The following TMEM44 variants were observed in gnomAD, a reference collection of about 807,000 sequenced individuals.
TMEM44 encodes the protein transmembrane protein 44.
In TMEM44, 43 loss-of-function variants were observed where a neutral mutation model predicts 47.8. The observed-to-expected ratio is 0.90, with a 90% CI of 0.70 to 1.16. TMEM44 has a LOEUF of 1.16. Ranked by LOEUF, TMEM44 falls within the 50% of genes most tolerant of loss-of-function variation. The probability of loss-of-function intolerance (pLI) is 0.00; values close to 1 mark genes in which losing one functional copy is unlikely to be tolerated. For missense variants in TMEM44, 568 were observed against 555.2 expected (o/e 1.02, Z -0.23); for synonymous variants, 277 against 238.8 (o/e 1.16, Z -1.48).
At chr3:194,623,731 A>C (rs1716841393) in intron 3 of TMEM44, 36 bp from the exon 4 acceptor site, 2 of 1,612,732 alleles carry the variant, frequency 1.2e-6, no homozygotes, top group Non-Finnish European at 1.7e-6. Context: ...TGGCTCCTGG[A>C]AGCCAGACCT....
chr3:194,620,089 G>A (rs1259412938), intron 5 of TMEM44, among the ~76,000 whole-genome samples: 2 of 152,096 alleles, frequency 1.3e-5, no homozygotes, highest in South Asian at 2.1e-4. Flanking sequence ...TCAGGAGTTC[G>A]AGACCAGCCT....
intron 8 of TMEM44, 111 bp from the exon 9 acceptor site, chr3:194,604,556 G>A (rs1714563969): frequency 7.4e-7 from 1 of 1,354,408 alleles, no homozygotes; most frequent in Non-Finnish European, 9.8e-7. Flanking sequence ...AGGGTGTGCA[G>A]GGCAGCATCT....
At position 194,588,432 on chromosome 3, in the gene TMEM44, G is replaced by T; in HGVS notation, c.*97C>A. On this transcript the variant is annotated 3_prime_UTR_variant, in exon 10 of 10. Transcript: ENST00000347147. ...TTCCTCACTTGCCAGGGCAGCTTCA[G>T]TTCCTGCCGCGGTGTCAGTGCAGAT... 1 of 1,093,942 alleles carries T rather than the reference G, an allele frequency of 9.1e-7. No individual in the cohort carries two copies. Among genetic ancestry groups the T allele is most frequent in the South Asian group, 1.4e-5 (1 of 71,244 alleles). The allele number at this position is 1,093,942 out of a possible 1,614,324, so 67.8% of individuals were successfully genotyped here. A position where few individuals can be genotyped will look rare whatever the true frequency, so the allele number is the denominator to read the frequency against.
chr3:194,627,068 C>T (rs1717263983), intron 2 of TMEM44, among the ~76,000 whole-genome samples: 2 of 152,030 alleles, frequency 1.3e-5, no homozygotes, highest in Admixed American at 6.5e-5. Context: ...ACTACAGGCA[C>T]GCGCCACCAC....
chr3:194,603,082 G>A (rs1018315086), intron 9 of TMEM44, among the ~76,000 whole-genome samples: 2 of 152,156 alleles, frequency 1.3e-5, no homozygotes, highest in Non-Finnish European at 2.9e-5. Flanking sequence ...ACAAGCGGCC[G>A]CTACATTGTC....
chr3:194,589,933 T>C (rs1195698232), intron 9 of TMEM44: 1 of 151,982 alleles, frequency 6.6e-6, no homozygotes, highest in Non-Finnish European at 1.5e-5. Flanking sequence ...TCTATGATGA[T>C]TCTGAGGCAC....
At position 194,628,513 on chromosome 3, in the gene TMEM44, G is replaced by A; in HGVS notation, c.138-4C>T. The A allele has an allele frequency of 6.2e-7, 1 of 1,611,174 alleles. No homozygotes were observed. Among genetic ancestry groups the A allele is most frequent in the Non-Finnish European group, 8.5e-7 (1 of 1,178,410 alleles). On this transcript the variant is annotated splice_region_variant and splice_polypyrimidine_tract_variant and intron_variant, in intron 1 of 9. Coordinates refer to ENST00000347147, the MANE Select transcript of TMEM44 (RefSeq NM_001011655.3). ...TGCACATCTCAGATAGAGAAGCCTG[G>A]GGTGACAGGGGTGTGGACAGAACAC...
chr3:194,631,854 T>C (rs1382828937), intron 1 of TMEM44, among the ~76,000 whole-genome samples: 3 of 151,922 alleles, frequency 2.0e-5, no homozygotes, highest in African/African-American at 7.3e-5. Context: ...TGAAAACAAA[T>C]GGGTATGTCC....
At position 194,619,413 on chromosome 3, in the gene TMEM44, C is replaced by T. The variant is rs116346454; in HGVS notation, c.613-2144G>A. On this transcript the variant is annotated intron_variant, in intron 5 of 9. Coordinates refer to ENST00000347147, the MANE Select transcript of TMEM44 (RefSeq NM_001011655.3). ...CCTTGCCTACAGACAGGATGGAGGT[C>T]GGCAGCACGCCCCAGCCTGGGCTGC... Among the ~76,000 whole-genome samples the T allele has an allele frequency of 2.8e-3, 431 of 152,316 alleles. 6 individuals carry two copies. The highest frequency in any genetic ancestry group is 0.01 in the African/African-American group (416 of 41,566).
intron 3 of TMEM44, among the ~76,000 whole-genome samples, chr3:194,624,866 A>C (rs940491442): frequency 6.6e-5 from 10 of 151,904 alleles, no homozygotes; most frequent in African/African-American, 2.4e-4. Context: ...GGTGCATGCC[A>C]CCACATCCAG....
chr3:194,611,930 G>T lies in TMEM44; in HGVS notation c.913-910C>A. On this transcript the variant is annotated intron_variant, in intron 7 of 9. Transcript: ENST00000347147. This position sits in a 1 kb window ranked among gnomAD's most constrained non-coding sequence, Gnocchi z 4.2. Reference sequence around the variant, plus strand: ...CTAGCTACGTGGGAGGCGGAGGCAGGAGAATCGCTTGAACCCAGGAGGCGG... The same window carrying T: ...CTAGCTACGTGGGAGGCGGAGGCAGTAGAATCGCTTGAACCCAGGAGGCGG... Among the ~76,000 whole-genome samples, 1 of 152,096 alleles carries T rather than the reference G, an allele frequency of 6.6e-6. No homozygotes were observed. Among genetic ancestry groups the T allele is most frequent in the Non-Finnish European group, 1.5e-5 (1 of 68,030 alleles).
In TMEM44 at chr3:194,588,412, C is replaced by T. The variant is rs1425767924; in HGVS notation, c.*117G>A. 3.5e-6 allele frequency: 3 copies of T among 850,918 alleles called. No homozygotes were observed. The highest frequency in any genetic ancestry group is 5.6e-6 in the Non-Finnish European group (3 of 538,970). 52.7% of individuals were successfully genotyped at this position (850,918 alleles called of 1,614,324 possible). On this transcript the variant is annotated 3_prime_UTR_variant, in exon 10 of 10. Transcript: ENST00000347147. ...CACTCAGTGACGGCTCCTGGTTCCT[C>T]ACTTGCCAGGGCAGCTTCAGTTCCT...
chr3:194,614,960 C>G (rs116350564), intron 7 of TMEM44, among the ~76,000 whole-genome samples: 1 of 151,984 alleles, frequency 6.6e-6, no homozygotes, highest in Admixed American at 6.6e-5. Context: ...AACTGGGCTA[C>G]GCACCACGGC....
chr3:194,595,744 GC>G (rs1035580002), intron 9 of TMEM44, among the ~76,000 whole-genome samples: 1 of 151,902 alleles, frequency 6.6e-6, no homozygotes, highest in African/African-American at 2.4e-5. Context: ...TCCTGCCTCA[GC>G]CTCCTGAGTA....
rs149918820 is a variant in TMEM44, at chr3:194,628,922, G to A, written c.138-413C>T. Among the ~76,000 whole-genome samples, 2 of 152,306 alleles carry A rather than the reference G, an allele frequency of 1.3e-5. 1 individual carries two copies. Among genetic ancestry groups the A allele is most frequent in the African/African-American group, 4.8e-5 (2 of 41,562 alleles). ...CTCACACCTGTAATCCCAGCAGTTTGGGAGGCCGAGGCAGGAGGATCCTCT... is the reference window on the plus strand; with the variant it reads ...CTCACACCTGTAATCCCAGCAGTTTAGGAGGCCGAGGCAGGAGGATCCTCT... On this transcript the variant is annotated intron_variant, in intron 1 of 9. Transcript: ENST00000347147.
chr3:194,620,578 G>A (rs73085021), intron 5 of TMEM44, among the ~76,000 whole-genome samples: 3,750 of 152,300 alleles, frequency 0.025, 156 homozygotes, highest in African/African-American at 0.085. Context: ...TCAGGACCGG[G>A]CAGCAACCGG....
rs765967957 is a variant in TMEM44 at position 194,625,905 on chromosome 3, G to A, written c.350C>T (p.Ser117Phe). The change falls in exon 3 of 10, where the codon TCT becomes TTT. Residue 117 changes from serine to phenylalanine, a missense_variant. Ser to Phe is a radical substitution (Grantham distance 155). Transcript: ENST00000347147. ...GACAGCCACACACTCACCTGAATTA[G>A]ACTTGAATTTGGATCCACAGACTGG... ...LFPVCGSKFK[S>F]NSDREARERK... The A allele has an allele frequency of 6.8e-6, 11 of 1,612,746 alleles. No homozygotes were observed. In the Middle Eastern group the frequency reaches 6.6e-4, roughly 97 times the overall value.
At chr3:194,605,484 C>T (rs1252566671) in intron 8 of TMEM44, among the ~76,000 whole-genome samples, 4 of 152,174 alleles carry the variant, frequency 2.6e-5, no homozygotes, top group Non-Finnish European at 4.4e-5. Context: ...CTCACAATCA[C>T]GGCAGAAGGC....
intron 9 of TMEM44, chr3:194,589,587 CG>C (rs33930411): frequency 1 from 152,079 of 152,088 alleles, 76,035 homozygotes; most frequent in Middle Eastern, 1. Flanking sequence ...CAATTCAGAG[CG>C]GGGGGGCACT....
Sources: allele counts gnomAD v4.1 joint callset (sites outside exome capture counted in the v4.1 genomes callset), GRCh38; gene constraint gnomAD v4.1.1; non-coding constraint Gnocchi (gnomAD v3.1); transcripts MANE v1.5; gene names NCBI Gene and HGNC (gene_info 2026-07-23, HGNC 2026-07-21).